ALG8: variants seen among roughly 807,000 people sequenced by gnomAD.
The protein encoded by ALG8 is ALG8 alpha-1,3-glucosyltransferase, also known as dolichyl pyrophosphate Glc1Man9GlcNAc2 alpha-1,3-glucosyltransferase.
Under a neutral mutation model 70.2 loss-of-function variants are expected in ALG8, and 48 were observed. The ratio of observed to expected loss-of-function variants is 0.68; its 90% confidence interval spans 0.54 to 0.87. The LOEUF (loss-of-function observed/expected upper bound fraction) is 0.87, where lower values mean the gene tolerates loss of function less well. ALG8 is among the 40% of genes least tolerant of loss of function. ALG8 has a pLI of 0.00. For synonymous variants in ALG8, 234 were observed against 229.0 expected (o/e 1.02, Z -0.20); for missense variants, 572 against 608.7 (o/e 0.94, Z 0.64).
In ALG8 at chr11:78,123,974, C is replaced by G. The variant is rs2136925418; in HGVS notation, c.368+47G>C. ...TAAGTTAATACTACTTAACACTGTA[C>G]TATTTTTTCAATACCTTCCATACAA... On this transcript the variant is annotated intron_variant, in intron 3 of 12. Transcript: ENST00000299626. 3 of 1,588,252 alleles carry G rather than the reference C, an allele frequency of 1.9e-6. No individual in the cohort carries two copies. The South Asian group carries it at 3.3e-5, about 18-fold the overall frequency.
At chr11:78,113,109 T>C (rs1419880701) in intron 7 of ALG8, among the ~76,000 whole-genome samples, 1 of 152,200 alleles carries the variant, frequency 6.6e-6, no homozygotes, top group Non-Finnish European at 1.5e-5. Flanking sequence ...CTACAAAAGA[T>C]GTGACGCGTT....
At chr11:78,108,940 C>G (rs767307498) in intron 9 of ALG8, among the ~76,000 whole-genome samples, 6 of 152,202 alleles carry the variant, frequency 3.9e-5, no homozygotes, top group Admixed American at 2.0e-4. Context: ...TTCTAAAGTA[C>G]TTAGAATGAG....
intron 1 of ALG8, among the ~76,000 whole-genome samples, chr11:78,135,871 A>AG (rs1248792129): frequency 1.3e-5 from 2 of 151,274 alleles, no homozygotes; most frequent in Non-Finnish European, 2.9e-5. Context: ...TAAGAAAAAA[A>AG]AAAAAGAAAA....
chr11:78,130,361 A>AAAAAAAAAAAGAAAAGAAAG (rs928560857), intron 1 of ALG8, among the ~76,000 whole-genome samples: 5 of 132,700 alleles, frequency 3.8e-5, no homozygotes, highest in African/African-American at 1.6e-4. Context: ...AAAAAAAAAA[A>AAAAAAAAAAAGAAAAGAAAG]AAAAAAGGTG....
At chr11:78,130,207 G>A (rs538973656) in intron 1 of ALG8, among the ~76,000 whole-genome samples, 1 of 152,168 alleles carries the variant, frequency 6.6e-6, no homozygotes, top group African/African-American at 2.4e-5. Flanking sequence ...AAATTAGCCA[G>A]GCATGGCGGC....
intron 4 of ALG8, 47 bp from the exon 5 acceptor site, chr11:78,119,296 T>G (rs1331340716): frequency 7.4e-7 from 1 of 1,353,166 alleles, no homozygotes; most frequent in Non-Finnish European, 1.1e-6. Context: ...AAATTCATAA[T>G]GAACTATACC....
At chr11:78,118,414 G>C (rs954619726) in intron 5 of ALG8, among the ~76,000 whole-genome samples, 1 of 151,776 alleles carries the variant, frequency 6.6e-6, no homozygotes, top group African/African-American at 2.4e-5. Flanking sequence ...TCAGGAGTTT[G>C]AGACCAGCCT....
At chr11:78,126,464 G>A (rs1160960655) in intron 2 of ALG8, among the ~76,000 whole-genome samples, 8 of 150,680 alleles carry the variant, frequency 5.3e-5, no homozygotes, top group Non-Finnish European at 7.4e-5. Context: ...CCCGGGAGGC[G>A]GAGGTTGCAG....
At chr11:78,125,001 A>G (rs1295235012) in intron 2 of ALG8, among the ~76,000 whole-genome samples, 1 of 150,948 alleles carries the variant, frequency 6.6e-6, no homozygotes, top group Non-Finnish European at 1.5e-5. Context: ...GCTTTAGAAT[A>G]GTATATTTTG....
chr11:78,122,486 C>T (rs1008462469), intron 3 of ALG8, among the ~76,000 whole-genome samples: 1 of 151,916 alleles, frequency 6.6e-6, no homozygotes, highest in African/African-American at 2.4e-5. Context: ...GGACAACAGT[C>T]CCCGGCAACC....
At chr11:78,111,248 A>T (rs1431513911) in intron 8 of ALG8, among the ~76,000 whole-genome samples, 2 of 152,200 alleles carry the variant, frequency 1.3e-5, no homozygotes, top group African/African-American at 4.8e-5. Context: ...TAACCTGCCC[A>T]AAGTCACACA....
intron 1 of ALG8, among the ~76,000 whole-genome samples, chr11:78,138,167 G>C (rs1468585661): frequency 2.2e-4 from 33 of 151,976 alleles, no homozygotes; most frequent in Non-Finnish European, 5.9e-5. Flanking sequence ...CCGCCATCAT[G>C]GTGAAACCCC....
intron 8 of ALG8, among the ~76,000 whole-genome samples, chr11:78,111,074 G>C (rs1415041296): frequency 6.6e-6 from 1 of 152,156 alleles, no homozygotes; most frequent in Admixed American, 6.5e-5. Context: ...GATTCACAGT[G>C]AGCAACACGG....
chr11:78,125,611 CAAA>C (rs113215261), intron 2 of ALG8, among the ~76,000 whole-genome samples: 1 of 117,096 alleles, frequency 8.5e-6, no homozygotes, highest in Non-Finnish European at 1.9e-5. Context: ...ACTAAAAATA[CAAA>C]AAAAAAAAAA....
At chr11:78,115,123 C>A (rs1860498444) in intron 5 of ALG8, among the ~76,000 whole-genome samples, 1 of 152,214 alleles carries the variant, frequency 6.6e-6, no homozygotes, top group Non-Finnish European at 1.5e-5. Context: ...GCCTCCGCCT[C>A]CTCGGTTCAA....
intron 1 of ALG8, among the ~76,000 whole-genome samples, chr11:78,130,361 A>AAAAAAAAAAAGAAAAGAAAAAAAAG (rs928560857): frequency 4.5e-5 from 6 of 132,636 alleles, no homozygotes; most frequent in African/African-American, 1.6e-4. Flanking sequence ...AAAAAAAAAA[A>AAAAAAAAAAAGAAAAGAAAAAAAAG]AAAAAAGGTG....
chr11:78,116,281 A>C (rs1174144261), intron 5 of ALG8, among the ~76,000 whole-genome samples: 1 of 152,112 alleles, frequency 6.6e-6, no homozygotes, highest in Non-Finnish European at 1.5e-5. Flanking sequence ...GAATCACGTG[A>C]GGTGGAGGTT....
chr11:78,106,327 A>G (rs567906066), intron 10 of ALG8, among the ~76,000 whole-genome samples: 3 of 152,174 alleles, frequency 2.0e-5, no homozygotes, highest in Admixed American at 6.5e-5. Flanking sequence ...CCTCCCGAGT[A>G]GCTGGGACTA....
intron 1 of ALG8, chr11:78,138,930 G>A: frequency 2.6e-6 from 1 of 381,302 alleles, no homozygotes; most frequent in African/African-American, 2.1e-5. Flanking sequence ...CTGCCACAGG[G>A]CCTTTGAACT....
Sources: gnomAD v4.1 joint callset for allele counts (sites outside exome capture counted in the v4.1 genomes callset) on GRCh38, gnomAD v4.1.1 for gene constraint, MANE v1.5 for transcripts, NCBI Gene and HGNC (gene_info 2026-07-23, HGNC 2026-07-21) for gene names.